Variants in PRUNE2 observed in about 807,000 individuals in gnomAD.
PRUNE2 encodes the protein prune homolog 2 with BCH domain.
PRUNE2 carries 164 observed loss-of-function variants against 252.0 expected under a neutral mutation model. The observed-to-expected ratio is 0.65, with a 90% CI of 0.57 to 0.74. PRUNE2 has a LOEUF of 0.74. PRUNE2 is among the 30% of genes least tolerant of loss of function. The pLI, the probability that PRUNE2 is intolerant of heterozygous loss-of-function variation, is 0.00. For synonymous variants in PRUNE2, 1,292 were observed against 1,350.2 expected (o/e 0.96, Z 0.94); for missense variants, 3,495 against 3,711.0 (o/e 0.94, Z 1.51).
At position 76,706,902 on chromosome 9, in the gene PRUNE2, T is replaced by C. The variant is rs2046354989; in HGVS notation, c.5372A>G (p.Glu1791Gly). 1 of 1,600,496 alleles carries C rather than the reference T, an allele frequency of 6.2e-7. No homozygotes were observed. The highest frequency in any genetic ancestry group is 1.3e-5 in the African/African-American group (1 of 74,412). Residue 1791 changes from glutamate (E) to glycine (G), a missense_variant, in exon 8 of 19, where the codon GAA becomes GGA. By Grantham distance (98) the Glu-to-Gly change is moderately conservative (BLOSUM62 -2). Transcript: ENST00000376718. ...TGCAACATCTCCTGTTGTCCCTGTT[T>C]CTGGAGAAGATCTCTTCTCCTTCTC... ...AVEKEKRSSP[E>G]TGTTGDVAWQ... is the part of the protein sequence containing the mutation.
chr9:76,809,053 C>T (rs2057174351), intron 6 of PRUNE2: 1 of 152,252 alleles, frequency 6.6e-6, no homozygotes, highest in African/African-American at 2.4e-5. Context: ...TGCCACCCAC[C>T]TTCTACCACC....
At chr9:76,720,420 C>T (rs1465871647) in intron 6 of PRUNE2, among the ~76,000 whole-genome samples, 1 of 152,172 alleles carries the variant, frequency 6.6e-6, no homozygotes, top group African/African-American at 2.4e-5. Context: ...TTAACCCTCG[C>T]TGTGACACTC....
chr9:76,753,648 A>C (rs1010574474), intron 6 of PRUNE2, among the ~76,000 whole-genome samples: 1 of 152,064 alleles, frequency 6.6e-6, no homozygotes, highest in Non-Finnish European at 1.5e-5. Context: ...GTAGTTTTTC[A>C]AAGTTGCCTA....
intron 6 of PRUNE2, among the ~76,000 whole-genome samples, chr9:76,730,983 G>A (rs939376595): frequency 2.6e-5 from 4 of 152,170 alleles, no homozygotes; most frequent in East Asian, 3.9e-4. Flanking sequence ...TGCAAAATGC[G>A]GAACCCAGAG....
chr9:76,623,922 CT>C (rs1353514372), intron 17 of PRUNE2, among the ~76,000 whole-genome samples: 1 of 152,152 alleles, frequency 6.6e-6, no homozygotes, highest in African/African-American at 2.4e-5. Flanking sequence ...GAGATTCATA[CT>C]TTAGCAATAG....
At position 76,901,093 on chromosome 9, in the gene PRUNE2, C is replaced by T. The variant is rs116505957; in HGVS notation, c.36+4835G>A. Reference sequence around the variant, plus strand: ...CACAGGGAGCACCTCTCTTCCTTTGCGACAGACTGATCCACTTGAAGATCT... The same window carrying T: ...CACAGGGAGCACCTCTCTTCCTTTGTGACAGACTGATCCACTTGAAGATCT... On this transcript the variant is annotated intron_variant, in intron 1 of 18. Transcript: ENST00000376718. Among the ~76,000 whole-genome samples the T allele has an allele frequency of 7.9e-3, 1,203 of 152,210 alleles. 16 individuals carry two copies. Among genetic ancestry groups the T allele is most frequent in the African/African-American group, 0.025 (1,034 of 41,522 alleles).
At chr9:76,806,506 T>A (rs1027767132) in intron 6 of PRUNE2, among the ~76,000 whole-genome samples, 2 of 146,026 alleles carry the variant, frequency 1.4e-5, no homozygotes, top group African/African-American at 5.4e-5. Flanking sequence ...TCAGGCACCA[T>A]TCTTTTTTTT....
intron 1 of PRUNE2, among the ~76,000 whole-genome samples, chr9:76,904,376 T>A (rs1156235043): frequency 1.3e-5 from 2 of 152,194 alleles, no homozygotes; most frequent in African/African-American, 4.8e-5. Context: ...CTCTTGCTCA[T>A]ATCAGACCCC....
intron 9 of PRUNE2, among the ~76,000 whole-genome samples, chr9:76,680,128 A>C (rs1209459897): frequency 6.6e-6 from 1 of 152,232 alleles, no homozygotes; most frequent in African/African-American, 2.4e-5. Flanking sequence ...AATATCTAGA[A>C]TACATAAAGA....
At position 76,846,572 on chromosome 9, in the gene PRUNE2, C is replaced by T. The variant is rs1436888306; in HGVS notation, c.451G>A (p.Glu151Lys). The T allele has an allele frequency of 3.1e-6, 5 of 1,614,140 alleles. No homozygotes were observed. The highest frequency in any genetic ancestry group is 1.7e-5 in the Admixed American group (1 of 60,024). Residue 151 changes from glutamate to lysine, a missense_variant, in exon 4 of 19, where the codon GAG (glutamate) becomes AAG (lysine). Transcript: ENST00000376718. Reference protein sequence around the residue: ...RESSSSLVLKEILQEAPELIT... With the variant: ...RESSSSLVLKKILQEAPELIT... ...AGCTCAGGAGCCTCTTGGAGAATCTCCTTTAGCACGAGAGAAGAGGAAGAC... is the reference window on the plus strand; with the variant it reads ...AGCTCAGGAGCCTCTTGGAGAATCTTCTTTAGCACGAGAGAAGAGGAAGAC...
chr9:76,845,779 C>A (rs1023210396), intron 4 of PRUNE2, among the ~76,000 whole-genome samples: 1 of 152,048 alleles, frequency 6.6e-6, no homozygotes, highest in Admixed American at 6.6e-5. Flanking sequence ...ATTGGTGGTG[C>A]GGGGAGGGAA....
intron 4 of PRUNE2, among the ~76,000 whole-genome samples, chr9:76,842,966 C>T (rs1398492195): frequency 2.0e-5 from 3 of 152,082 alleles, no homozygotes; most frequent in Admixed American, 1.3e-4. Flanking sequence ...TCCAGCAATC[C>T]CATTACTGGA....
rs185653496 is a variant in PRUNE2, at chr9:76,730,964, T to A, written c.757-17243A>T. Among the ~76,000 whole-genome samples the A allele has an allele frequency of 4.0e-3, 613 of 152,170 alleles. 16 individuals carry two copies. The highest frequency in any genetic ancestry group is 8.1e-4 in the Non-Finnish European group (55 of 67,994). Reference sequence around the variant, plus strand: ...AAGGAAACACCAAACATTCTTAACATCTCTCTTTTGCAAAATGCGGAACCC... The same window carrying A: ...AAGGAAACACCAAACATTCTTAACAACTCTCTTTTGCAAAATGCGGAACCC... On this transcript the variant is annotated intron_variant, in intron 6 of 18. Coordinates refer to ENST00000376718, the MANE Select transcript of PRUNE2 (RefSeq NM_015225.3).
intron 6 of PRUNE2, among the ~76,000 whole-genome samples, chr9:76,805,200 G>T (rs1449883508): frequency 6.6e-6 from 1 of 152,208 alleles, no homozygotes; most frequent in Non-Finnish European, 1.5e-5. Flanking sequence ...TCCCAGCTGA[G>T]GCCCCCCACC....
chr9:76,897,868 C>T (rs1352075284), intron 1 of PRUNE2, among the ~76,000 whole-genome samples: 5 of 152,188 alleles, frequency 3.3e-5, no homozygotes, highest in Non-Finnish European at 7.3e-5. Context: ...AACTGAATTG[C>T]AAGACAGCTA....
rs781282439 is a variant in PRUNE2, at chr9:76,823,727, C to G, written c.662-1G>C. 3.6e-5 allele frequency: 56 copies of G among 1,573,944 alleles called. No homozygotes were observed. Among genetic ancestry groups the G allele is most frequent in the Non-Finnish European group, 7.0e-6 (8 of 1,150,246 alleles). ...AACATTGTCTGTTCAATACTTAAAC[C>G]TGTGGATGACAGGAAAAAAAAACAT... On this transcript the variant is annotated splice_acceptor_variant, in intron 5 of 18. Coordinates refer to ENST00000376718, the MANE Select transcript of PRUNE2 (RefSeq NM_015225.3). LOFTEE classifies it high-confidence loss of function.
chr9:76,802,069 G>A (rs72732651), intron 6 of PRUNE2, among the ~76,000 whole-genome samples: 4,161 of 152,022 alleles, frequency 0.027, 80 homozygotes, highest in Non-Finnish European at 0.039. Flanking sequence ...ATTGATTTAC[G>A]TATTTTACGT....
chr9:76,717,835 T>C (rs2047292152), intron 6 of PRUNE2, among the ~76,000 whole-genome samples: 1 of 152,208 alleles, frequency 6.6e-6, no homozygotes, highest in African/African-American at 2.4e-5. Context: ...AATTGCTCCC[T>C]GTCACAGCCC....
chr9:76,777,372 T>C (rs1424450998), intron 6 of PRUNE2, among the ~76,000 whole-genome samples: 2 of 152,120 alleles, frequency 1.3e-5, no homozygotes, highest in African/African-American at 4.8e-5. Flanking sequence ...AAAATCGAAG[T>C]AAGCAGGAGC....
Sources: gnomAD v4.1 joint callset for allele counts (sites outside exome capture counted in the v4.1 genomes callset) on GRCh38, gnomAD v4.1.1 for gene constraint, MANE v1.5 for transcripts, NCBI Gene and HGNC (gene_info 2026-07-23, HGNC 2026-07-21) for gene names.